The following EYA1 variants were observed in gnomAD, a reference collection of about 807,000 sequenced individuals.
EYA1 encodes protein phosphatase EYA1.
In EYA1, 16 loss-of-function variants were observed where a neutral mutation model predicts 82.0. That is an observed-to-expected ratio of 0.20 (90% CI 0.13 to 0.30). The LOEUF (loss-of-function observed/expected upper bound fraction) is 0.30. Ranked by LOEUF, EYA1 falls within the 10% of genes least tolerant of loss-of-function variation. EYA1 has a pLI of 1.00. For synonymous variants in EYA1, 261 were observed against 264.4 expected, an observed-to-expected ratio of 0.99 and a Z score of 0.12; for missense variants, 633 against 730.7, an observed-to-expected ratio of 0.87 and a Z score of 1.54.
chr8:71,317,798 A>T, intron 6 of EYA1, 109 bp from the exon 7 acceptor site: 1 of 1,064,230 alleles, frequency 9.4e-7, no homozygotes, highest in Non-Finnish European at 1.5e-6. Context: ...CCCCAATCTT[A>T]TCTCAAAAAT....
intron 2 of EYA1, among the ~76,000 whole-genome samples, chr8:71,388,990 C>G (rs1041768190): frequency 2.0e-5 from 3 of 151,788 alleles, no homozygotes; most frequent in African/African-American, 7.3e-5. Context: ...CTTCTGGGCC[C>G]CTCTCACCCC....
chr8:71,323,824 A>T (rs1351631273), intron 4 of EYA1: 1 of 152,266 alleles, frequency 6.6e-6, no homozygotes, highest in Non-Finnish European at 1.5e-5. Context: ...TAAAGACTGC[A>T]GTTTATAGAA....
rs139416250 is a variant in EYA1 at position 71,509,167 on chromosome 8, T to G, written c.33+26577A>C. Among the ~76,000 whole-genome samples the G allele has an allele frequency of 7.8e-4, 119 of 152,182 alleles. No individual in the cohort carries two copies. In the East Asian group the frequency reaches 0.02, roughly 26 times the overall value. ...TCCCTTGAGCCCAAGACGTTGAGGC[T>G]GCAGTGAGCCAAGATCACGACACTG... On this transcript the variant is annotated intron_variant, in intron 2 of 18. Transcript: ENST00000643681.
At chr8:71,359,021 CCATAA>C (rs149178679) in intron 1 of EYA1, among the ~76,000 whole-genome samples, 4,129 of 152,058 alleles carry the variant, frequency 0.027, 74 homozygotes, top group Middle Eastern at 0.044. Context: ...AAAATATTTC[CCATAA>C]CATAACAAAT....
chr8:71,467,367 T>C (rs1184436925), intron 2 of EYA1, among the ~76,000 whole-genome samples: 5 of 152,148 alleles, frequency 3.3e-5, no homozygotes, highest in African/African-American at 1.2e-4. Context: ...TTGCAGAGTA[T>C]TAAATGTCTT....
rs1346022842 is a variant in EYA1 at position 71,460,633 on chromosome 8, G to A, written c.33+75111C>T. ...GGAGCAGGGAAGGAAACCACAATGCGAAGACAGGACTTAACCAGGCTCTGA... is the reference window on the plus strand; with the variant it reads ...GGAGCAGGGAAGGAAACCACAATGCAAAGACAGGACTTAACCAGGCTCTGA... On this transcript the variant is annotated intron_variant, in intron 2 of 18. Transcript: ENST00000643681. 9.8e-5 allele frequency among the ~76,000 whole-genome samples: 15 copies of A among 152,298 alleles called. No individual in the cohort carries two copies. In the South Asian group the frequency reaches 1.0e-3, roughly 11 times the overall value.
At chr8:71,366,003 TAC>T (rs1404419527), upstream of EYA1, among the ~76,000 whole-genome samples, 2 of 152,196 alleles carry the variant, frequency 1.3e-5, no homozygotes, top group East Asian at 3.8e-4. Context: ...TAATACATAT[TAC>T]AGTCTTTATA....
At chr8:71,371,127 A>T (rs1828057253) in intron 2 of EYA1, among the ~76,000 whole-genome samples, 1 of 152,208 alleles carries the variant, frequency 6.6e-6, no homozygotes, top group Admixed American at 6.5e-5. Flanking sequence ...AGTAGAAGTA[A>T]GGCTACCATA....
chr8:71,337,290 A>C (rs1009507340), intron 3 of EYA1, among the ~76,000 whole-genome samples: 1 of 152,210 alleles, frequency 6.6e-6, no homozygotes, highest in Non-Finnish European at 1.5e-5. Flanking sequence ...ATATGACTCC[A>C]GTCTATTAGA....
intron 9 of EYA1, among the ~76,000 whole-genome samples, chr8:71,281,472 A>T (rs1817810328): frequency 6.6e-6 from 1 of 152,268 alleles, no homozygotes; most frequent in Non-Finnish European, 1.5e-5. Context: ...TACAAGAATC[A>T]TTAAACCTCC....
intron 2 of EYA1, among the ~76,000 whole-genome samples, chr8:71,408,874 T>C (rs1242883016): frequency 2.6e-5 from 3 of 114,980 alleles, no homozygotes; most frequent in African/African-American, 1.2e-4. Context: ...CAAGCGGACC[T>C]AATAGACATC....
chr8:71,507,459 C>T (rs539716548), intron 2 of EYA1, among the ~76,000 whole-genome samples: 9 of 152,304 alleles, frequency 5.9e-5, no homozygotes, highest in African/African-American at 1.9e-4. Context: ...GGCACTCTAA[C>T]ACTTCGCTGG....
intron 4 of EYA1, among the ~76,000 whole-genome samples, chr8:71,326,383 A>C (rs2129037681): frequency 6.6e-6 from 1 of 151,820 alleles, no homozygotes; most frequent in Non-Finnish European, 1.5e-5. Flanking sequence ...TTTCCCAACA[A>C]AATATACCCC....
chr8:71,526,789 T>A (rs1813851205), intron 2 of EYA1, among the ~76,000 whole-genome samples: 1 of 152,102 alleles, frequency 6.6e-6, no homozygotes, highest in African/African-American at 2.4e-5. Context: ...TTTCTCCCTA[T>A]TAGAATTGAG....
intron 2 of EYA1, among the ~76,000 whole-genome samples, chr8:71,419,879 T>C (rs1041710924): frequency 2.6e-5 from 4 of 152,138 alleles, no homozygotes; most frequent in Admixed American, 2.0e-4. Context: ...ACTGGAAGTC[T>C]AGAACATTAG....
At chr8:71,484,318 AATGTGT>A (rs1234642706) in intron 2 of EYA1, among the ~76,000 whole-genome samples, 1 of 152,226 alleles carries the variant, frequency 6.6e-6, no homozygotes, top group Non-Finnish European at 1.5e-5. Flanking sequence ...GGTTTACTGA[AATGTGT>A]ACCATTACAG....
chr8:71,367,090 A>G (rs1461233774), upstream of EYA1, among the ~76,000 whole-genome samples: 2 of 152,218 alleles, frequency 1.3e-5, no homozygotes, highest in African/African-American at 4.8e-5. Context: ...TGGTCAAATC[A>G]GGAGATGTGG....
At position 71,299,647 on chromosome 8, in the gene EYA1, A is replaced by G. The variant is rs373102227; in HGVS notation, c.630T>C (p.Ser210=). 4.0e-5 allele frequency: 63 copies of G among 1,569,204 alleles called. 2 individuals carry two copies. The Middle Eastern group carries it at 2.8e-3, about 71-fold the overall frequency. Residue 210 remains serine (S), a synonymous_variant, in exon 8 of 18, where the codon AGT becomes AGC. Coordinates refer to ENST00000340726, the MANE Select transcript of EYA1 (RefSeq NM_000503.6). ...NSLTNSSGFN[S]SQQDYPSYPS... ...TGGCTTTTTAAATTACCTGCTGTGA[A>G]CTATTAAATCCAGAGGAATTTGTGA...
At chr8:71,414,419 C>A (rs979553389) in intron 2 of EYA1, among the ~76,000 whole-genome samples, 4 of 152,236 alleles carry the variant, frequency 2.6e-5, no homozygotes, top group Admixed American at 2.6e-4. Flanking sequence ...CTTGTCCCAT[C>A]ATTTCCGGTG....
Sources: gnomAD v4.1 joint callset for allele counts (sites outside exome capture counted in the v4.1 genomes callset) on GRCh38, gnomAD v4.1.1 for gene constraint, MANE v1.5 for transcripts, NCBI Gene and HGNC (gene_info 2026-07-23, HGNC 2026-07-21) for gene names.